SLC25A38: variants seen among roughly 807,000 people sequenced by gnomAD.
SLC25A38 encodes mitochondrial glycine transporter.
A neutral mutation model predicts 33.4 loss-of-function variants in SLC25A38; 27 were observed. That is an observed-to-expected ratio of 0.81 (90% confidence interval 0.60 to 1.11). The LOEUF is 1.11. Among genes scored for constraint, SLC25A38 ranks in the 50% most tolerant of loss-of-function variants. The probability of loss-of-function intolerance (pLI) is 0.00; values close to 1 mark genes in which losing one functional copy is unlikely to be tolerated. For missense variants in SLC25A38, 344 were observed against 388.8 expected (o/e 0.88, Z 0.97); for synonymous variants, 123 against 145.9 (o/e 0.84, Z 1.13).
chr3:39,384,510 A>AC, intron 1 of SLC25A38: 1 of 313,180 alleles, frequency 3.2e-6, no homozygotes, highest in Non-Finnish European at 5.7e-6. Flanking sequence ...GGCGGCTTTT[A>AC]TTTTTTTTTT....
chr3:39,395,834 C>G (rs2041821328), intron 6 of SLC25A38, among the ~76,000 whole-genome samples: 1 of 151,450 alleles, frequency 6.6e-6, no homozygotes, highest in African/African-American at 2.4e-5. Context: ...AAGTACACAG[C>G]AACCCTGCAT....
chr3:39,390,485 G>A lies in SLC25A38; in HGVS notation c.254G>A (p.Gly85Asp), dbSNP rs1307207058. Residue 85 changes from glycine to aspartate, a missense_variant, in exon 3 of 7, where the codon GGC becomes GAC. By Grantham distance (94) the Gly-to-Asp change is moderately conservative. Coordinates refer to ENST00000650617, the MANE Select transcript of SLC25A38 (RefSeq NM_017875.4). ...LKVVRTESLL[G>D]LWKGMSPSIV... ...GTGGTTCGCACGGAGAGTCTTTTGG[G>A]CCTTTGGAAAGGGATGTCCCCTGTA... is the stretch of plus-strand genomic sequence containing the variant. 1 of 1,614,106 alleles carries A rather than the reference G, an allele frequency of 6.2e-7. No homozygotes were observed. The highest frequency in any genetic ancestry group is 1.1e-5 in the South Asian group (1 of 91,078).
chr3:39,388,955 GC>G (rs2041732626), intron 1 of SLC25A38, among the ~76,000 whole-genome samples: 1 of 152,200 alleles, frequency 6.6e-6, no homozygotes, highest in African/African-American at 2.4e-5. Flanking sequence ...TCTGCTTAGG[GC>G]CCAGTGAGAT....
intron 5 of SLC25A38, among the ~76,000 whole-genome samples, chr3:39,393,025 C>T (rs1342612915): frequency 1.3e-5 from 2 of 152,220 alleles, no homozygotes; most frequent in Non-Finnish European, 2.9e-5. Context: ...TGGCTTATGC[C>T]TGTAATCTCA....
At chr3:39,387,973 GGGGCCTGCGGA>G (rs1182289748) in intron 1 of SLC25A38, 1 of 152,648 alleles carries the variant, frequency 6.6e-6, no homozygotes, top group African/African-American at 2.4e-5. Flanking sequence ...GCAAACTGGG[GGGGCCTGCGGA>G]GGGACTGGCA....
chr3:39,383,461 A>G lies in SLC25A38; in HGVS notation c.-264A>G. The G allele has an allele frequency of 1.9e-6, 1 of 528,864 alleles. No individual in the cohort carries two copies. Among genetic ancestry groups the G allele is most frequent in the Admixed American group, 3.2e-5 (1 of 31,462 alleles). The allele number at this position is 528,864 out of a possible 1,614,324, so 32.8% of individuals were successfully genotyped here. A position where few individuals can be genotyped will look rare whatever the true frequency, so the allele number is the denominator to read the frequency against. On this transcript the variant is annotated 5_prime_UTR_variant, in exon 1 of 7. Coordinates refer to ENST00000650617, the MANE Select transcript of SLC25A38 (RefSeq NM_017875.4). ...TGCAGCAGGGCAGGATGGGCAGGAG[A>G]GCAGAGCCGCGGAGTCTGCGGCGCG...
intron 1 of SLC25A38, among the ~76,000 whole-genome samples, chr3:39,385,217 T>C (rs1553611390): frequency 6.6e-6 from 1 of 152,230 alleles, no homozygotes; most frequent in Non-Finnish European, 1.5e-5. Context: ...TTGTTGTTGT[T>C]GTCTTGTTTT....
chr3:39,391,402 T>C (rs1227754444), intron 3 of SLC25A38, 39 bp from the exon 4 acceptor site: 1 of 1,611,924 alleles, frequency 6.2e-7, no homozygotes, highest in Non-Finnish European at 8.5e-7. Context: ...TTAAAGTGTT[T>C]GGTCTTTGAT....
At chr3:39,384,451 C>T (rs1451219364) in intron 1 of SLC25A38, 6 of 382,932 alleles carry the variant, frequency 1.6e-5, no homozygotes, top group Non-Finnish European at 2.3e-5. Flanking sequence ...GGCCTGAGGC[C>T]ACTGCAGCTG....
At position 39,396,913 on chromosome 3, in the gene SLC25A38, C is replaced by T. The variant is rs372093733; in HGVS notation, c.*393C>T. The T allele has an allele frequency of 2.4e-5, 8 of 333,356 alleles. No homozygotes were observed. The East Asian group carries it at 4.5e-4, about 19-fold the overall frequency. 20.6% of individuals were successfully genotyped at this position (333,356 alleles called of 1,614,324 possible). On this transcript the variant is annotated 3_prime_UTR_variant, in exon 7 of 7. Transcript: ENST00000650617. The stretch of plus-strand genomic sequence containing the variant: ...AGCCAGAGAAGCTGTAAGCTGCCTG[C>T]CGGGCCTGAGGAGCTCCAACCAGGG...
intron 1 of SLC25A38, chr3:39,384,369 G>C (rs550300284): frequency 7.0e-5 from 20 of 284,512 alleles, no homozygotes; most frequent in Non-Finnish European, 1.1e-4. Flanking sequence ...TATTGGTGGA[G>C]GCGGAGGCGG....
chr3:39,383,473 G>A lies in SLC25A38; in HGVS notation c.-252G>A. 1 of 549,590 alleles carries A rather than the reference G, an allele frequency of 1.8e-6. No individual in the cohort carries two copies. The highest frequency in any genetic ancestry group is 3.3e-6 in the Non-Finnish European group (1 of 305,034). 34.0% of individuals were successfully genotyped at this position (549,590 alleles called of 1,614,324 possible). On this transcript the variant is annotated 5_prime_UTR_variant, in exon 1 of 7. Coordinates refer to ENST00000650617, the MANE Select transcript of SLC25A38 (RefSeq NM_017875.4). ...GGATGGGCAGGAGAGCAGAGCCGCGGAGTCTGCGGCGCGGGTGAAGAGCGG... is the reference window on the plus strand; with the variant it reads ...GGATGGGCAGGAGAGCAGAGCCGCGAAGTCTGCGGCGCGGGTGAAGAGCGG...
rs1414567012 is a variant in SLC25A38, at chr3:39,383,728, A to G, written c.4A>G (p.Ile2Val). The G allele has an allele frequency of 6.2e-7, 1 of 1,614,120 alleles. No individual in the cohort carries two copies. Among genetic ancestry groups the G allele is most frequent in the East Asian group, 2.2e-5 (1 of 44,878 alleles). Residue 2 changes from isoleucine (I) to valine (V), a missense_variant, in exon 1 of 7, where the codon ATT (isoleucine) becomes GTT (valine). Around this residue, in one of 2 missense-constraint regions of SLC25A38, gnomAD observed 269 missense variants for 271.8 expected, o/e 0.99. Transcript: ENST00000650617. The part of the protein sequence containing the change: M[I>V]QNSRPSLLQP... ...GGACTCGCGGGCCTCATCTCCAATG[A>G]TTCAGAACTCACGTCCGTCGCTGCT...
chr3:39,383,878 A>G, intron 1 of SLC25A38, 85 bp downstream of exon 1: 3 of 1,486,426 alleles, frequency 2.0e-6, no homozygotes. Flanking sequence ...AGGCTCGGCT[A>G]CCCTTTTCCG....
intron 6 of SLC25A38, among the ~76,000 whole-genome samples, chr3:39,395,929 GGCCAAGCGCGGTA>G (rs1353656242): frequency 2.7e-5 from 4 of 148,664 alleles, no homozygotes; most frequent in African/African-American, 9.9e-5. Context: ...AATGGTTTTT[GGCCAAGCGCGGTA>G]GCTCACGCCT....
intron 1 of SLC25A38, chr3:39,388,236 A>C (rs573139924): frequency 1.3e-5 from 2 of 152,322 alleles, no homozygotes; most frequent in African/African-American, 4.8e-5. Flanking sequence ...ACTTGCTAAA[A>C]TACGCACACC....
chr3:39,393,509 C>CT (rs957456047), intron 5 of SLC25A38, among the ~76,000 whole-genome samples: 8 of 151,680 alleles, frequency 5.3e-5, no homozygotes, highest in Admixed American at 1.3e-4. Flanking sequence ...ATAATTTTTT[C>CT]TTTTTTTTGA....
At chr3:39,391,262 G>A (rs1023025411) in intron 3 of SLC25A38, among the ~76,000 whole-genome samples, 179 bp from the exon 4 acceptor site, 17 of 152,192 alleles carry the variant, frequency 1.1e-4, no homozygotes, top group Admixed American at 6.5e-4. Flanking sequence ...TTATAACATC[G>A]TTTATTGACT....
rs2041832678 is a variant in SLC25A38, at chr3:39,396,507, G to A, written c.902G>A (p.Gly301Asp). 5 of 1,613,988 alleles carry A rather than the reference G, an allele frequency of 3.1e-6. No homozygotes were observed. The highest frequency in any genetic ancestry group is 2.5e-6 in the Non-Finnish European group (3 of 1,180,034). ...TVYEEMMAKM[G>D]LKS is the part of the protein sequence containing the mutation. ...TATGAAGAGATGATGGCCAAGATGG[G>A]CCTGAAGTCCTGACCAAGAGAGGAC... is the stretch of plus-strand genomic sequence containing the variant. The change falls in exon 7 of 7, where the codon GGC becomes GAC. Residue 301 changes from glycine (G) to aspartate (D), a missense_variant. Around this residue, in one of 2 missense-constraint regions of SLC25A38, gnomAD observed 75 missense variants for 117.0 expected, o/e 0.64. Coordinates refer to ENST00000650617, the MANE Select transcript of SLC25A38 (RefSeq NM_017875.4).
Sources: gnomAD v4.1 joint callset for allele counts (sites outside exome capture counted in the v4.1 genomes callset) on GRCh38, gnomAD v4.1.1 for gene constraint, gnomAD v4.1.1 regional missense constraint, MANE v1.5 for transcripts, NCBI Gene and HGNC (gene_info 2026-07-23, HGNC 2026-07-21) for gene names.